NAA16: variants seen among roughly 807,000 people sequenced by gnomAD.
The protein encoded by NAA16 is N-alpha-acetyltransferase 16, NatA auxiliary subunit.
In NAA16, 97 loss-of-function variants were observed where a neutral mutation model predicts 110.3. The observed-to-expected ratio is 0.88, with a 90% confidence interval of 0.75 to 1.04. The LOEUF is 1.04. Among genes scored for constraint, NAA16 ranks in the 50% least tolerant of loss-of-function variants. The pLI is 0.00. For missense variants in NAA16, 1,017 were observed against 1,005.1 expected (o/e 1.01, Z -0.16); for synonymous variants, 372 against 330.6 (o/e 1.13, Z -1.36).
chr13:41,328,326 A>G (rs1041619641), intron 6 of NAA16, among the ~76,000 whole-genome samples: 10 of 152,152 alleles, frequency 6.6e-5, no homozygotes, highest in African/African-American at 2.4e-4. Context: ...GAGAATTAAT[A>G]TATGAACTGA....
chr13:41,329,163 C>T (rs1435848486), intron 7 of NAA16, among the ~76,000 whole-genome samples: 5 of 151,886 alleles, frequency 3.3e-5, no homozygotes, highest in Non-Finnish European at 7.4e-5. Flanking sequence ...ATGAGCATTC[C>T]CTTTCTGGGA....
chr13:41,362,785 G>GGCAGTCCTCA (rs1386654990), intron 13 of NAA16: 1 of 1,289,802 alleles, frequency 7.8e-7, no homozygotes, highest in Admixed American at 2.3e-5. Context: ...GCACCCCTGA[G>GGCAGTCCTCA]GCAGTCCTCA....
At chr13:41,365,401 C>G (rs1216097642) in intron 13 of NAA16, among the ~76,000 whole-genome samples, 1 of 152,058 alleles carries the variant, frequency 6.6e-6, no homozygotes, top group Admixed American at 6.6e-5. Flanking sequence ...GAAGGGTATA[C>G]AGGACCTTTG....
chr13:41,312,126 C>T (rs1195357165), intron 1 of NAA16, among the ~76,000 whole-genome samples: 1 of 152,208 alleles, frequency 6.6e-6, no homozygotes, highest in Non-Finnish European at 1.5e-5. Context: ...GGCCTGGCAC[C>T]ACCTCCCTTT....
chr13:41,324,779 G>A (rs972252039), intron 5 of NAA16, among the ~76,000 whole-genome samples: 1 of 151,538 alleles, frequency 6.6e-6, no homozygotes, highest in African/African-American at 2.4e-5. Context: ...GAACTCTTAG[G>A]CTACGACTAG....
At chr13:41,336,844 A>G in intron 9 of NAA16, 88 bp downstream of exon 9, 1 of 701,190 alleles carries the variant, frequency 1.4e-6, no homozygotes, top group Non-Finnish European at 2.3e-6. Flanking sequence ...CTATTACTTA[A>G]TCATTTTCTT....
intron 10 of NAA16, among the ~76,000 whole-genome samples, chr13:41,355,539 C>G (rs1240185185): frequency 6.6e-6 from 1 of 152,168 alleles, no homozygotes; most frequent in Non-Finnish European, 1.5e-5. Context: ...AACTGATGCT[C>G]CTGCCTTAGC....
chr13:41,330,150 A>C (rs1222972657), intron 7 of NAA16, among the ~76,000 whole-genome samples: 1 of 151,876 alleles, frequency 6.6e-6, no homozygotes, highest in East Asian at 1.9e-4. Context: ...TATTTTGTGA[A>C]GTCTCCAAAT....
At chr13:41,337,511 C>A (rs569888697) in intron 9 of NAA16, among the ~76,000 whole-genome samples, 7 of 148,760 alleles carry the variant, frequency 4.7e-5, no homozygotes, top group Non-Finnish European at 1.0e-4. Flanking sequence ...CCACTGCACT[C>A]CAGCCTGAGT....
intron 9 of NAA16, among the ~76,000 whole-genome samples, chr13:41,350,036 C>T (rs554528183): frequency 6.6e-6 from 1 of 150,860 alleles, no homozygotes; most frequent in South Asian, 2.1e-4. Context: ...TTTATCCCAG[C>T]ACTTTGGGAG....
chr13:41,361,185 A>G (rs2043105351), intron 12 of NAA16, among the ~76,000 whole-genome samples: 1 of 152,208 alleles, frequency 6.6e-6, no homozygotes, highest in Non-Finnish European at 1.5e-5. Flanking sequence ...CACTCCCCTC[A>G]GAATTTTTAT....
chr13:41,349,361 T>C (rs1418470180), intron 9 of NAA16, among the ~76,000 whole-genome samples: 1 of 151,930 alleles, frequency 6.6e-6, no homozygotes, highest in Non-Finnish European at 1.5e-5. Context: ...AAGTTGTTTA[T>C]TTTGTAAAGA....
chr13:41,358,349 A>G lies in NAA16; in HGVS notation c.1133A>G (p.Tyr378Cys). 1 of 1,614,018 alleles carries G rather than the reference A, an allele frequency of 6.2e-7. No homozygotes were observed. The highest frequency in any genetic ancestry group is 8.5e-7 in the Non-Finnish European group (1 of 1,179,914). ...EPPTTLLWVQ[Y>C]FLAQHFDKLG... ...CCGACAACACTACTCTGGGTTCAGT[A>G]TTTCCTGGCACAGCACTTTGATAAA... The change falls in exon 11 of 20, where the codon TAT (tyrosine) becomes TGT (cysteine). Residue 378 changes from tyrosine (Y) to cysteine (C), a missense_variant. Physicochemically the swap from Tyr to Cys is radical, Grantham distance 194. Coordinates refer to ENST00000379406, the MANE Select transcript of NAA16 (RefSeq NM_024561.5).
chr13:41,341,881 G>C (rs927808343), intron 9 of NAA16, among the ~76,000 whole-genome samples: 1 of 150,740 alleles, frequency 6.6e-6, no homozygotes, highest in African/African-American at 2.5e-5. Flanking sequence ...GCCCAGGCTG[G>C]AGTGCAGTGG....
chr13:41,367,690 C>G lies in NAA16; in HGVS notation c.1753+38C>G, dbSNP rs780590370. The stretch of plus-strand genomic sequence containing the variant: ...GAACTTAAAAGATTTTAAAAGGACA[C>G]TAAATTTCAGAATGCCATTAGCGTA... On this transcript the variant is annotated intron_variant, in intron 14 of 19. Transcript: ENST00000379406. 4.3e-6 allele frequency: 6 copies of G among 1,389,646 alleles called. No homozygotes were observed. In the East Asian group the frequency reaches 1.4e-4, roughly 33 times the overall value. The allele number at this position is 1,389,646 out of a possible 1,614,324, so 86.1% of individuals were successfully genotyped here. A position where few individuals can be genotyped will look rare whatever the true frequency, so the allele number is the denominator to read the frequency against.
chr13:41,369,277 A>G lies in NAA16; in HGVS notation c.1941A>G (p.Leu647=). 1 of 1,564,304 alleles carries G rather than the reference A, an allele frequency of 6.4e-7. No individual in the cohort carries two copies. Among genetic ancestry groups the G allele is most frequent in the Non-Finnish European group, 8.6e-7 (1 of 1,165,900 alleles). ...GLKEELIPEK[L]ERVENPLEEA... is the part of the protein sequence containing the mutation. ...AGGAAGAACTTATACCTGAAAAATT[A>G]GAAAGGGTGAGATGGGTTTTACTAT... Residue 647 remains leucine, a synonymous_variant, in exon 15 of 20, where the codon TTA becomes TTG. Coordinates refer to ENST00000379406, the MANE Select transcript of NAA16 (RefSeq NM_024561.5).
Position 41,361,876 on chromosome 13 carries a change from A to AT in NAA16, c.1411-153dup, listed in dbSNP as rs1455888471. Among the ~76,000 whole-genome samples the AT allele has an allele frequency of 3.9e-5, 6 of 152,364 alleles. No homozygotes were observed. In the East Asian group the frequency reaches 1.2e-3, roughly 29 times the overall value. On this transcript the variant is annotated intron_variant, in intron 12 of 19. Transcript: ENST00000379406. Reference sequence around the variant, plus strand: ...GTGAAACCTTGGATAAGGAGAGACTATTGTAGTATAAAACCATGTTTGGAA... The same window carrying AT: ...GTGAAACCTTGGATAAGGAGAGACTATTTGTAGTATAAAACCATGTTTGGAA...
intron 12 of NAA16, among the ~76,000 whole-genome samples, chr13:41,360,423 T>TA (rs1163455470): frequency 2.0e-5 from 3 of 152,086 alleles, no homozygotes; most frequent in African/African-American, 7.2e-5. Flanking sequence ...ATGCAAAACT[T>TA]AAAGAAGTTC....
intron 8 of NAA16, among the ~76,000 whole-genome samples, chr13:41,335,613 T>C (rs148540910): frequency 6.6e-6 from 1 of 152,182 alleles, no homozygotes; most frequent in Non-Finnish European, 1.5e-5. Flanking sequence ...CAGTATTTTG[T>C]GTATGATCTA....
Sources: allele counts gnomAD v4.1 joint callset (sites outside exome capture counted in the v4.1 genomes callset), GRCh38; gene constraint gnomAD v4.1.1; transcripts MANE v1.5; gene names NCBI Gene and HGNC (gene_info 2026-07-23, HGNC 2026-07-21).